SLC4A1: variants seen among roughly 807,000 people sequenced by gnomAD.
SLC4A1 encodes the protein solute carrier family 4 member 1 (Diego blood group), also known as band 3 anion transport protein.
Under a neutral mutation model 93.1 loss-of-function variants are expected in SLC4A1, and 29 were observed. That is an observed-to-expected ratio of 0.31 (90% CI 0.23 to 0.42). The LOEUF (loss-of-function observed/expected upper bound fraction) is 0.42, where lower values mean the gene tolerates loss of function less well. Ranked by LOEUF, SLC4A1 falls within the 20% of genes least tolerant of loss-of-function variation. The pLI is 1.00. For synonymous variants in SLC4A1, 469 were observed against 497.2 expected, an observed-to-expected ratio of 0.94 and a Z score of 0.76; for missense variants, 965 against 1,190.1, an observed-to-expected ratio of 0.81 and a Z score of 2.78.
At chr17:44,261,833 C>T (rs1317219634) in intron 3 of SLC4A1, among the ~76,000 whole-genome samples, 197 bp from the exon 4 acceptor site, 1 of 152,108 alleles carries the variant, frequency 6.6e-6, no homozygotes, top group Non-Finnish European at 1.5e-5. Context: ...CTGGGCCTAG[C>T]CTTGGGCTCC....
chr17:44,262,763 G>T, intron 2 of SLC4A1, 37 bp from the exon 3 acceptor site: 5 of 1,607,186 alleles, frequency 3.1e-6, no homozygotes, highest in Non-Finnish European at 4.3e-6. Context: ...GCTGTGAGGG[G>T]CTCTTCCACC....
chr17:44,260,402 A>C lies in SLC4A1; in HGVS notation c.485+2T>G. ...AATCCAGGCCCTGGCAGGCAGGGGC[A>C]CCTGTGTTTAAGCAGCAGGGCCCGG... On this transcript the variant is annotated splice_donor_variant, in intron 6 of 19. Coordinates refer to ENST00000262418, the MANE Select transcript of SLC4A1 (RefSeq NM_000342.4). LOFTEE classifies it high-confidence loss of function. The C allele has an allele frequency of 6.2e-7, 1 of 1,611,288 alleles. No homozygotes were observed. Among genetic ancestry groups the C allele is most frequent in the Non-Finnish European group, 8.5e-7 (1 of 1,178,964 alleles).
Position 44,266,148 on chromosome 17 carries a change from G to A in SLC4A1, c.-69+1906C>T, listed in dbSNP as rs563911222. Among the ~76,000 whole-genome samples, 18 of 152,168 alleles carry A rather than the reference G, an allele frequency of 1.2e-4. No homozygotes were observed. In the East Asian group the frequency reaches 1.9e-3, roughly 16 times the overall value. On this transcript the variant is annotated intron_variant, in intron 1 of 19. Coordinates refer to ENST00000262418, the MANE Select transcript of SLC4A1 (RefSeq NM_000342.4). ...GGGCAAGTGATGGGGTGCGGGGGAG[G>A]GGTCCTGGACCTGAGGACGAGGTAG...
chr17:44,263,094 GC>G (rs2144626016), intron 1 of SLC4A1, among the ~76,000 whole-genome samples, 160 bp from the exon 2 acceptor site: 1 of 152,330 alleles, frequency 6.6e-6, no homozygotes, highest in East Asian at 1.9e-4. Flanking sequence ...AGCTGGATTT[GC>G]AGGTGTGAGG....
intron 16 of SLC4A1, 35 bp downstream of exon 16, chr17:44,254,461 A>ACCCCGGCCCCCCC: frequency 1.5e-6 from 1 of 654,150 alleles, no homozygotes; most frequent in African/African-American, 1.9e-5. Flanking sequence ...CCTGCCTCCC[A>ACCCCGGCCCCCCC]CCCTCCCAGG....
At chr17:44,266,937 C>T (rs1249816721) in intron 1 of SLC4A1, among the ~76,000 whole-genome samples, 2 of 152,152 alleles carry the variant, frequency 1.3e-5, no homozygotes, top group African/African-American at 4.8e-5. Context: ...GTAATCAGCC[C>T]GAACTGCACA....
Position 44,251,274 on chromosome 17 carries a change from A to G in SLC4A1, c.2540T>C (p.Leu847Pro). The G allele has an allele frequency of 1.2e-6, 2 of 1,614,224 alleles. No homozygotes were observed. Among genetic ancestry groups the G allele is most frequent in the Non-Finnish European group, 8.5e-7 (1 of 1,180,036 alleles). ...GGCCGGCGTGGACTTCACCACCCACAGCACTGCCAGGCAGATGATCTGGAT... is the reference window on the plus strand; with the variant it reads ...GGCCGGCGTGGACTTCACCACCCACGGCACTGCCAGGCAGATGATCTGGAT... ...TGIQIICLAV[L>P]WVVKSTPASL... The change falls in exon 19 of 20, where the codon CTG becomes CCG. Residue 847 changes from leucine to proline, a missense_variant. Physicochemically the swap from Leu to Pro is moderately conservative, Grantham distance 98. This residue lies in a region of SLC4A1 where 770 missense variants were observed against 1,006.6 expected (regional missense o/e 0.76). Coordinates refer to ENST00000262418, the MANE Select transcript of SLC4A1 (RefSeq NM_000342.4).
Position 44,249,272 on chromosome 17 carries a change from T to C in SLC4A1, c.*1186A>G. ...TTTTATAAAAAAATAAATTTGCCCA[T>C]GTTCTTGGAGAGCCTGCTGTCTCCT... On this transcript the variant is annotated 3_prime_UTR_variant, in exon 20 of 20. Transcript: ENST00000262418. 3 of 437,704 alleles carry C rather than the reference T, an allele frequency of 6.9e-6. No individual in the cohort carries two copies. Among genetic ancestry groups the C allele is most frequent in the South Asian group, 4.9e-5 (3 of 60,886 alleles). The allele number at this position is 437,704 out of a possible 1,614,324, so 27.1% of individuals were successfully genotyped here. A position where few individuals can be genotyped will look rare whatever the true frequency, so the allele number is the denominator to read the frequency against.
rs376023073 is a variant in SLC4A1 at position 44,262,872 on chromosome 17, G to A, written c.-6C>T. On this transcript the variant is annotated 5_prime_UTR_variant, in exon 2 of 20. Coordinates refer to ENST00000262418, the MANE Select transcript of SLC4A1 (RefSeq NM_000342.4). ...CCCACCTGCAGCTCCTCCATGGCGT[G>A]GTCCTGAGTGTCCAGTTGTCTACGG... 3.7e-6 allele frequency: 6 copies of A among 1,614,016 alleles called. No individual in the cohort carries two copies. The highest frequency in any genetic ancestry group is 2.7e-5 in the African/African-American group (2 of 74,936).
At chr17:44,260,251 C>G (rs1284867296) in intron 6 of SLC4A1, among the ~76,000 whole-genome samples, 153 bp downstream of exon 6, 1 of 152,212 alleles carries the variant, frequency 6.6e-6, no homozygotes, top group Non-Finnish European at 1.5e-5. Context: ...CCACCCCTTT[C>G]AAGGTGTCAG....
intron 19 of SLC4A1, 75 bp from the exon 20 acceptor site, chr17:44,250,613 C>T: frequency 1.7e-6 from 2 of 1,162,672 alleles, no homozygotes; most frequent in Non-Finnish European, 2.6e-6. Flanking sequence ...GCACGAAAGG[C>T]ACCTCTGGAG....
chr17:44,253,030 G>GT (rs1295965986), intron 17 of SLC4A1, 88 bp downstream of exon 17: 1 of 1,401,986 alleles, frequency 7.1e-7, no homozygotes, highest in African/African-American at 1.4e-5. Context: ...GCTGGAGGAG[G>GT]TGCTGGGTCC....
Position 44,250,412 on chromosome 17 carries a change from G to T in SLC4A1, c.*46C>A. The T allele has an allele frequency of 6.9e-7, 1 of 1,453,024 alleles. No homozygotes were observed. Among genetic ancestry groups the T allele is most frequent in the Non-Finnish European group, 9.7e-7 (1 of 1,034,014 alleles). The allele number at this position is 1,453,024 out of a possible 1,614,324, so 90.0% of individuals were successfully genotyped here. A position where few individuals can be genotyped will look rare whatever the true frequency, so the allele number is the denominator to read the frequency against. The stretch of plus-strand genomic sequence containing the variant: ...GAACTTCTGCTTTTCCTTGGAAGGT[G>T]GGGATGTGGAATGGTGGGGGAGGGT... On this transcript the variant is annotated 3_prime_UTR_variant, in exon 20 of 20. Transcript: ENST00000262418.
chr17:44,262,504 C>T, intron 3 of SLC4A1, 132 bp downstream of exon 3: 1 of 688,122 alleles, frequency 1.5e-6, no homozygotes, highest in East Asian at 2.7e-5. Flanking sequence ...CTTCAATCAG[C>T]CAGAATTGAG....
chr17:44,264,150 T>C (rs909952132), intron 1 of SLC4A1, among the ~76,000 whole-genome samples: 2 of 152,134 alleles, frequency 1.3e-5, no homozygotes, highest in African/African-American at 4.8e-5. Context: ...CACACCACCA[T>C]GCCTGACTAA....
intron 3 of SLC4A1, 121 bp from the exon 4 acceptor site, chr17:44,261,757 G>A: frequency 6.4e-7 from 1 of 1,560,018 alleles, no homozygotes; most frequent in Admixed American, 1.8e-5. Context: ...AGTGCCCTGG[G>A]CTGGGTCTCT....
chr17:44,263,658 C>T (rs1354287628), intron 1 of SLC4A1, among the ~76,000 whole-genome samples: 1 of 149,846 alleles, frequency 6.7e-6, no homozygotes, highest in Non-Finnish European at 1.5e-5. Context: ...CACCTTGACC[C>T]AATCTGTCAT....
intron 3 of SLC4A1, chr17:44,262,033 C>T (rs1363033890): frequency 8.5e-7 from 1 of 1,181,924 alleles, no homozygotes; most frequent in Non-Finnish European, 1.1e-6. Context: ...CCACCTGCCT[C>T]AATGAGCCCG....
At position 44,260,984 on chromosome 17, in the gene SLC4A1, T is replaced by C. The variant is rs45545233; in HGVS notation, c.169-169A>G. 0.098 allele frequency among the ~76,000 whole-genome samples: 14,835 copies of C among 152,082 alleles called. 827 individuals are homozygous for C. Among genetic ancestry groups the C allele is most frequent in the African/African-American group, 0.15 (6,128 of 41,444 alleles). ...TATCTCCCAACTTCCTGGCCAGGCC[T>C]TTACCCCATTGCAGAAGGCATTTGG... On this transcript the variant is annotated intron_variant, in intron 4 of 19. Coordinates refer to ENST00000262418, the MANE Select transcript of SLC4A1 (RefSeq NM_000342.4).
Sources: allele counts gnomAD v4.1 joint callset (sites outside exome capture counted in the v4.1 genomes callset), GRCh38; gene constraint gnomAD v4.1.1; regional missense constraint gnomAD v4.1.1; transcripts MANE v1.5; gene names NCBI Gene and HGNC (gene_info 2026-07-23, HGNC 2026-07-21).